Variants in CSMD1 observed in about 807,000 individuals in gnomAD.
The protein encoded by CSMD1 is CUB and Sushi multiple domains 1.
A neutral mutation model predicts 417.5 loss-of-function variants in CSMD1; 213 were observed. That is an observed-to-expected ratio of 0.51 (90% CI 0.46 to 0.57). The LOEUF (loss-of-function observed/expected upper bound fraction) is 0.57. Ranked by LOEUF, CSMD1 falls within the 20% of genes least tolerant of loss-of-function variation. The pLI is 0.00. For missense variants in CSMD1, 6,923 were observed against 4,529.7 expected, an observed-to-expected ratio of 1.53 and a Z score of -15.17; for synonymous variants, 2,862 against 1,736.8, an observed-to-expected ratio of 1.65 and a Z score of -16.11.
chr8:3,237,484 T>G lies in CSMD1; in HGVS notation c.4154-7253A>C, dbSNP rs565734462. 1.3e-4 allele frequency among the ~76,000 whole-genome samples: 20 copies of G among 149,006 alleles called. No homozygotes were observed. The South Asian group carries it at 4.2e-3, about 31-fold the overall frequency. On this transcript the variant is annotated intron_variant, in intron 26 of 69. Coordinates refer to ENST00000635120, the MANE Select transcript of CSMD1 (RefSeq NM_033225.6). ...AACAAAAAACCAAAAAACCACAACTTTGCATATAAATAAAAGTATATAATA... is the reference window on the plus strand; with the variant it reads ...AACAAAAAACCAAAAAACCACAACTGTGCATATAAATAAAAGTATATAATA...
At chr8:4,094,536 T>G (rs1800898238) in intron 3 of CSMD1, among the ~76,000 whole-genome samples, 1 of 152,158 alleles carries the variant, frequency 6.6e-6, no homozygotes, top group Non-Finnish European at 1.5e-5. Flanking sequence ...ATTAAATAGC[T>G]TCAGTGGGAG....
intron 8 of CSMD1, among the ~76,000 whole-genome samples, chr8:3,604,995 T>C (rs145588687): frequency 2.0e-5 from 3 of 152,284 alleles, no homozygotes; most frequent in African/African-American, 7.2e-5. Flanking sequence ...ATAACACAAC[T>C]TAAAAGAAAG....
At chr8:4,799,869 G>A (rs767435156) in intron 1 of CSMD1, among the ~76,000 whole-genome samples, 1 of 151,986 alleles carries the variant, frequency 6.6e-6, no homozygotes, top group Admixed American at 6.6e-5. Flanking sequence ...GTGTAAGAAA[G>A]TACTCAAACA....
chr8:4,276,015 T>C lies in CSMD1; in HGVS notation c.415+143938A>G, dbSNP rs145039983. Among the ~76,000 whole-genome samples, 15 of 152,300 alleles carry C rather than the reference T, an allele frequency of 9.8e-5. 1 individual carries two copies. The East Asian group carries it at 2.9e-3, about 29-fold the overall frequency. On this transcript the variant is annotated intron_variant, in intron 3 of 69. Transcript: ENST00000635120. ...TGGAGAAATAGGAATGCTTTTACAATGTTGGTGGGAGTGTAAATTAGTTCA... is the reference window on the plus strand; with the variant it reads ...TGGAGAAATAGGAATGCTTTTACAACGTTGGTGGGAGTGTAAATTAGTTCA...
At chr8:4,600,581 A>C (rs1800528222) in intron 2 of CSMD1, among the ~76,000 whole-genome samples, 1 of 152,340 alleles carries the variant, frequency 6.6e-6, no homozygotes, top group East Asian at 1.9e-4. Flanking sequence ...TCCATCCTAA[A>C]GAAAACATTT....
At chr8:4,161,523 C>T (rs376225052) in intron 3 of CSMD1, among the ~76,000 whole-genome samples, 2 of 152,134 alleles carry the variant, frequency 1.3e-5, no homozygotes, top group South Asian at 2.1e-4. Flanking sequence ...AAGCTGAACA[C>T]GCAAAGTCCA....
At chr8:4,756,813 T>C (rs1218298765) in intron 1 of CSMD1, among the ~76,000 whole-genome samples, 1 of 152,178 alleles carries the variant, frequency 6.6e-6, no homozygotes, top group Non-Finnish European at 1.5e-5. Flanking sequence ...TGCTGGATAA[T>C]AGAAGAGCTG....
At chr8:4,367,675 G>A (rs1802159157) in intron 3 of CSMD1, among the ~76,000 whole-genome samples, 1 of 152,038 alleles carries the variant, frequency 6.6e-6, no homozygotes, top group Admixed American at 6.6e-5. Flanking sequence ...TCACAATATT[G>A]AGTCTTCCTG....
At position 3,531,717 on chromosome 8, in the gene CSMD1, C is replaced by G. The variant is rs142317440; in HGVS notation, c.1345-37991G>C. Reference sequence around the variant, plus strand: ...CCTCAGCAGAACTTCCCTTGTAACACAAAAAAACCCCAAGAAATCACTTCT... The same window carrying G: ...CCTCAGCAGAACTTCCCTTGTAACAGAAAAAAACCCCAAGAAATCACTTCT... On this transcript the variant is annotated intron_variant, in intron 10 of 69. Transcript: ENST00000635120. Among the ~76,000 whole-genome samples, 785 of 152,196 alleles carry G rather than the reference C, an allele frequency of 5.2e-3. 6 individuals carry two copies. Among genetic ancestry groups the G allele is most frequent in the Non-Finnish European group, 7.7e-3 (522 of 67,992 alleles).
intron 2 of CSMD1, among the ~76,000 whole-genome samples, chr8:4,510,826 C>G (rs1163943720): frequency 7.3e-6 from 1 of 137,276 alleles, no homozygotes; most frequent in Non-Finnish European, 1.6e-5. Context: ...CCCTCCCTTC[C>G]TCTCTTCCTC....
chr8:4,784,076 A>G (rs2117201829), intron 1 of CSMD1, among the ~76,000 whole-genome samples: 1 of 152,342 alleles, frequency 6.6e-6, no homozygotes, highest in Non-Finnish European at 1.5e-5. Flanking sequence ...AGGGATTGTC[A>G]TAGGATTTGG....
intron 26 of CSMD1, among the ~76,000 whole-genome samples, chr8:3,268,187 G>C (rs571715952): frequency 6.6e-6 from 1 of 151,706 alleles, no homozygotes; most frequent in Admixed American, 6.6e-5. Context: ...ATATCGAATG[G>C]TAAGTTTGTT....
At chr8:3,564,543 G>GTGTGTGTGTGTGTT (rs1799615761) in intron 10 of CSMD1, among the ~76,000 whole-genome samples, 1 of 151,520 alleles carries the variant, frequency 6.6e-6, no homozygotes, top group South Asian at 2.1e-4. Flanking sequence ...GTGTGTGTGT[G>GTGTGTGTGTGTGTT]TGTGTGTATA....
At chr8:4,394,316 A>G (rs1804059970) in intron 3 of CSMD1, among the ~76,000 whole-genome samples, 1 of 151,034 alleles carries the variant, frequency 6.6e-6, no homozygotes. Flanking sequence ...CTATGTTTCA[A>G]TAATTTAATG....
chr8:3,474,456 T>C (rs1036646721), intron 11 of CSMD1, among the ~76,000 whole-genome samples: 7 of 152,126 alleles, frequency 4.6e-5, no homozygotes, highest in African/African-American at 1.4e-4. Flanking sequence ...CCCCTATGAA[T>C]GTCACTCATC....
intron 2 of CSMD1, among the ~76,000 whole-genome samples, chr8:4,503,104 A>C (rs1201739217): frequency 6.6e-6 from 1 of 152,226 alleles, no homozygotes; most frequent in Non-Finnish European, 1.5e-5. Context: ...TGTGAATTTG[A>C]ATCTTAGAGA....
chr8:3,485,061 G>A (rs780295685), intron 11 of CSMD1, among the ~76,000 whole-genome samples: 2 of 152,254 alleles, frequency 1.3e-5, no homozygotes, highest in Middle Eastern at 6.8e-3. Flanking sequence ...ACACTCCTAA[G>A]TAATTTCCAA....
intron 6 of CSMD1, among the ~76,000 whole-genome samples, chr8:3,714,024 G>GCAGATAGA (rs1265191900): frequency 1.6e-4 from 7 of 42,964 alleles, no homozygotes; most frequent in African/African-American, 5.1e-4. Context: ...GGCTCACTAT[G>GCAGATAGA]CAGATAGATA....
chr8:3,348,203 G>A (rs752943920), intron 21 of CSMD1, 42 bp from the exon 22 acceptor site: 4 of 1,526,082 alleles, frequency 2.6e-6, no homozygotes, highest in South Asian at 1.2e-5. Context: ...TTCAAAAGTG[G>A]AATTACTGTT....
Sources: gnomAD v4.1 joint callset for allele counts (sites outside exome capture counted in the v4.1 genomes callset) on GRCh38, gnomAD v4.1.1 for gene constraint, MANE v1.5 for transcripts, NCBI Gene and HGNC (gene_info 2026-07-23, HGNC 2026-07-21) for gene names.